SLC25A21: variants seen among roughly 807,000 people sequenced by gnomAD.
SLC25A21 encodes mitochondrial 2-oxodicarboxylate carrier.
Under a neutral mutation model 43.8 loss-of-function variants are expected in SLC25A21, and 47 were observed. The observed-to-expected ratio is 1.07, with a 90% confidence interval of 0.85 to 1.37. The LOEUF is 1.37. Among genes scored for constraint, SLC25A21 ranks in the 40% most tolerant of loss-of-function variants. The pLI is 0.00. For missense variants in SLC25A21, 352 were observed against 350.2 expected, an observed-to-expected ratio of 1.00 and a Z score of -0.04; for synonymous variants, 131 against 121.3, an observed-to-expected ratio of 1.08 and a Z score of -0.52.
At chr14:36,778,161 C>T (rs938236126) in intron 3 of SLC25A21, among the ~76,000 whole-genome samples, 1 of 152,176 alleles carries the variant, frequency 6.6e-6, no homozygotes, top group African/African-American at 2.4e-5. Context: ...GTCTTAATTG[C>T]AGCATACCCA....
chr14:36,975,931 G>A (rs931854310), intron 1 of SLC25A21, among the ~76,000 whole-genome samples: 1 of 152,234 alleles, frequency 6.6e-6, no homozygotes, highest in Non-Finnish European at 1.5e-5. Context: ...TCTGTAAGCA[G>A]TGCTACTGTT....
intron 1 of SLC25A21, among the ~76,000 whole-genome samples, chr14:37,148,874 G>A (rs945668028): frequency 6.6e-6 from 1 of 152,154 alleles, no homozygotes; most frequent in East Asian, 1.9e-4. Flanking sequence ...GAGTGAAATG[G>A]AATACTACAT....
At chr14:37,044,327 A>G (rs1648106790) in intron 1 of SLC25A21, among the ~76,000 whole-genome samples, 1 of 152,182 alleles carries the variant, frequency 6.6e-6, no homozygotes, top group African/African-American at 2.4e-5. Context: ...ATATAAAATT[A>G]CATAAAAGAA....
At chr14:36,809,180 T>C (rs1213280088) in intron 3 of SLC25A21, 1 of 152,194 alleles carries the variant, frequency 6.6e-6, no homozygotes, top group South Asian at 2.1e-4. Flanking sequence ...TGTATCTTTA[T>C]GTCTTCTGGG....
At chr14:37,067,211 G>A (rs896757048) in intron 1 of SLC25A21, among the ~76,000 whole-genome samples, 1 of 152,238 alleles carries the variant, frequency 6.6e-6, no homozygotes, top group Admixed American at 6.5e-5. Context: ...ATGAATCCCA[G>A]TGAATTTTGA....
intron 1 of SLC25A21, among the ~76,000 whole-genome samples, chr14:37,024,979 T>C (rs1029144828): frequency 2.0e-5 from 3 of 152,136 alleles, no homozygotes; most frequent in African/African-American, 7.2e-5. Flanking sequence ...AAAGATACAC[T>C]GGATACATAA....
chr14:36,790,883 T>C (rs1887461166), intron 3 of SLC25A21, among the ~76,000 whole-genome samples: 1 of 152,130 alleles, frequency 6.6e-6, no homozygotes, highest in African/African-American at 2.4e-5. Flanking sequence ...GCAGTCAAAA[T>C]CTCTATTACA....
intron 1 of SLC25A21, among the ~76,000 whole-genome samples, chr14:37,160,103 C>T (rs1195999364): frequency 1.3e-5 from 2 of 152,142 alleles, no homozygotes; most frequent in South Asian, 4.1e-4. Context: ...AGAACTTACA[C>T]TCTGTTGATG....
chr14:37,172,434 C>G lies in SLC25A21; in HGVS notation c.-84G>C. ...GCACAGCCTACTGATCCAGAGAGCC[C>G]CGGCTGGGCTGGTCCTCAAGCGCGT... is the stretch of plus-strand genomic sequence containing the variant. On this transcript the variant is annotated 5_prime_UTR_variant, in exon 1 of 10. Transcript: ENST00000331299. 1 of 1,421,006 alleles carries G rather than the reference C, an allele frequency of 7.0e-7. No homozygotes were observed. Among genetic ancestry groups the G allele is most frequent in the Non-Finnish European group, 9.7e-7 (1 of 1,027,668 alleles). The allele number at this position is 1,421,006 out of a possible 1,614,324, so 88.0% of individuals were successfully genotyped here.
intron 3 of SLC25A21, among the ~76,000 whole-genome samples, chr14:36,752,065 A>G (rs1885730680): frequency 6.6e-6 from 1 of 152,218 alleles, no homozygotes; most frequent in African/African-American, 2.4e-5. Context: ...TCTCATGTAC[A>G]AAGAGTCTAC....
intron 1 of SLC25A21, among the ~76,000 whole-genome samples, chr14:36,910,033 T>C (rs1891641380): frequency 6.6e-6 from 1 of 152,150 alleles, no homozygotes; most frequent in African/African-American, 2.4e-5. Flanking sequence ...TGTAAAGGGA[T>C]ATAAGCGCTA....
At chr14:37,000,499 C>T (rs1220879480) in intron 1 of SLC25A21, among the ~76,000 whole-genome samples, 1 of 152,166 alleles carries the variant, frequency 6.6e-6, no homozygotes, top group Non-Finnish European at 1.5e-5. Flanking sequence ...TTGCTGTCCT[C>T]TGATACATCC....
chr14:37,002,465 T>C lies in SLC25A21; in HGVS notation c.71-127461A>G, dbSNP rs186134698. On this transcript the variant is annotated intron_variant, in intron 1 of 9. Transcript: ENST00000331299. ...TAGGATTTTCAGGATTATACCCTGG[T>C]CAGACTTTTAAAGCTCTTATATGAC... 1.4e-3 allele frequency among the ~76,000 whole-genome samples: 220 copies of C among 152,256 alleles called. 1 individual carries two copies. The highest frequency in any genetic ancestry group is 5.1e-3 in the African/African-American group (210 of 41,570).
chr14:36,977,647 G>A (rs11623017), intron 1 of SLC25A21, among the ~76,000 whole-genome samples: 43,857 of 151,706 alleles, frequency 0.29, 7,729 homozygotes, highest in African/African-American at 0.5. Context: ...AATGCAAGGG[G>A]GGCCTTGTAA....
chr14:37,095,501 G>C (rs1191998819), intron 1 of SLC25A21, among the ~76,000 whole-genome samples: 1 of 152,166 alleles, frequency 6.6e-6, no homozygotes, highest in Admixed American at 6.6e-5. Flanking sequence ...GTGGGCGACA[G>C]AGCAAGACTC....
At chr14:36,896,369 C>CT (rs377510426) in intron 1 of SLC25A21, among the ~76,000 whole-genome samples, 1,540 of 152,086 alleles carry the variant, frequency 0.01, 29 homozygotes, top group African/African-American at 0.035. Context: ...CAACTCCTGC[C>CT]TTTTTTTGTT....
intron 1 of SLC25A21, among the ~76,000 whole-genome samples, chr14:37,027,317 C>T (rs1309007205): frequency 1.3e-5 from 2 of 152,124 alleles, no homozygotes; most frequent in Non-Finnish European, 2.9e-5. Context: ...CTCTGATATT[C>T]ATTTCCCTAG....
intron 4 of SLC25A21, 68 bp downstream of exon 4, chr14:36,734,439 A>C: frequency 4.9e-6 from 5 of 1,019,974 alleles, no homozygotes; most frequent in Non-Finnish European, 5.3e-6. Flanking sequence ...TAATGTCTTA[A>C]GAGTTTGTTG....
chr14:36,844,349 C>T (rs995817174), intron 2 of SLC25A21, among the ~76,000 whole-genome samples: 2 of 152,194 alleles, frequency 1.3e-5, no homozygotes, highest in African/African-American at 4.8e-5. Flanking sequence ...CGTGCTGGCA[C>T]AGACTCACTG....
Sources: gnomAD v4.1 joint callset for allele counts (sites outside exome capture counted in the v4.1 genomes callset) on GRCh38, gnomAD v4.1.1 for gene constraint, MANE v1.5 for transcripts, NCBI Gene and HGNC (gene_info 2026-07-23, HGNC 2026-07-21) for gene names.